Variants in TRPM8 observed in about 807,000 individuals in gnomAD.
The protein encoded by TRPM8 is transient receptor potential cation channel subfamily M member 8, also known as TRPM8 cationic channel.
A neutral mutation model predicts 133.7 loss-of-function variants in TRPM8; 110 were observed. The observed-to-expected ratio is 0.82, with a 90% CI of 0.70 to 0.96. The LOEUF is 0.96. Ranked by LOEUF, TRPM8 falls within the 40% of genes least tolerant of loss-of-function variation. TRPM8 has a pLI of 0.00. For missense variants in TRPM8, 1,291 were observed against 1,379.5 expected (o/e 0.94, Z 1.02); for synonymous variants, 535 against 532.3 (o/e 1.01, Z -0.07).
chr2:233,981,715 C>T (rs1267509946), intron 18 of TRPM8, 59 bp from the exon 19 acceptor site: 1 of 1,530,904 alleles, frequency 6.5e-7, no homozygotes. Context: ...TTTTTAGAAA[C>T]AAAACTTTGG....
chr2:233,992,504 C>T (rs114246970), intron 21 of TRPM8, among the ~76,000 whole-genome samples: 2,522 of 152,220 alleles, frequency 0.017, 32 homozygotes, highest in Middle Eastern at 0.044. Flanking sequence ...GAATTCTAAA[C>T]GTCTGTTCCC....
intron 17 of TRPM8, among the ~76,000 whole-genome samples, chr2:233,978,690 C>G (rs561264665): frequency 1.3e-5 from 2 of 152,112 alleles, no homozygotes; most frequent in Non-Finnish European, 2.9e-5. Context: ...CTAGATTATG[C>G]TTTTCCCTGC....
intron 6 of TRPM8, chr2:233,943,059 T>G: frequency 2.6e-6 from 1 of 387,584 alleles, no homozygotes; most frequent in East Asian, 4.4e-5. Flanking sequence ...CAAAGCCAAC[T>G]GCAGTATCTT....
At chr2:233,987,898 A>C (rs1275568190) in intron 21 of TRPM8, among the ~76,000 whole-genome samples, 6 of 151,580 alleles carry the variant, frequency 4.0e-5, no homozygotes, top group East Asian at 1.9e-4. Flanking sequence ...GTAAGACGTG[A>C]CTTGCTCCTC....
chr2:233,969,402 G>A (rs1487141927), intron 15 of TRPM8, among the ~76,000 whole-genome samples: 1 of 151,992 alleles, frequency 6.6e-6, no homozygotes, highest in African/African-American at 2.4e-5. Context: ...CAGGAGAATC[G>A]CTTGAACCTG....
chr2:234,014,206 C>G (rs1473715441), intron 24 of TRPM8, among the ~76,000 whole-genome samples: 1 of 152,022 alleles, frequency 6.6e-6, no homozygotes. Context: ...TAATTAGTAT[C>G]TTATACTTTT....
Position 233,983,057 on chromosome 2 carries a change from T to G in TRPM8, c.2594T>G (p.Ile865Ser), listed in dbSNP as rs1284108716. The change falls in exon 20 of 26, where the codon ATC becomes AGC. Residue 865 changes from isoleucine to serine, a missense_variant. Ile to Ser is a moderately radical substitution (Grantham distance 142). Around this residue, in one of 2 missense-constraint regions of TRPM8, gnomAD observed 328 missense variants for 410.6 expected, o/e 0.80. Coordinates refer to ENST00000324695, the MANE Select transcript of TRPM8 (RefSeq NM_024080.5). ...TCTCCTGTCCTCCCCTGACAGCTGA[T>G]CGATGTGTTCTTCTTCCTGTTCCTC... The part of the protein sequence containing the change: ...PKIIMLQRML[I>S]DVFFFLFLFA... 1.2e-6 allele frequency: 2 copies of G among 1,612,100 alleles called. No homozygotes were observed. Among genetic ancestry groups the G allele is most frequent in the Admixed American group, 3.3e-5 (2 of 59,978 alleles).
chr2:233,951,116 G>C (rs937027670), intron 9 of TRPM8, among the ~76,000 whole-genome samples: 1 of 152,156 alleles, frequency 6.6e-6, no homozygotes, highest in Non-Finnish European at 1.5e-5. Flanking sequence ...ACTAGTACCA[G>C]CTACTTGGTA....
At chr2:234,013,808 C>T (rs968349678) in intron 24 of TRPM8, 1 of 152,018 alleles carries the variant, frequency 6.6e-6, no homozygotes, top group African/African-American at 2.4e-5. Flanking sequence ...TCTTACTATG[C>T]CTTATTTATT....
chr2:233,927,352 A>C (rs1353250329), intron 2 of TRPM8, among the ~76,000 whole-genome samples: 1 of 152,210 alleles, frequency 6.6e-6, no homozygotes, highest in Non-Finnish European at 1.5e-5. Flanking sequence ...AAGAACACGC[A>C]CACACAAACA....
At chr2:233,939,602 G>A (rs188003448) in intron 5 of TRPM8, among the ~76,000 whole-genome samples, 107 of 152,300 alleles carry the variant, frequency 7.0e-4, no homozygotes, top group African/African-American at 2.3e-3. Context: ...GTGTCTGATT[G>A]AGGTCAAAGC....
At chr2:234,004,899 T>A (rs577605782) in intron 22 of TRPM8, among the ~76,000 whole-genome samples, 1 of 152,144 alleles carries the variant, frequency 6.6e-6, no homozygotes, top group Non-Finnish European at 1.5e-5. Flanking sequence ...CATCGCAAAA[T>A]TTTTCCATAT....
chr2:233,953,857 A>T, intron 9 of TRPM8, 60 bp from the exon 10 acceptor site: 1 of 1,295,994 alleles, frequency 7.7e-7, no homozygotes, highest in Non-Finnish European at 1.1e-6. Flanking sequence ...AAAAGAAAGA[A>T]GTTTATGCTC....
At chr2:233,929,618 C>G (rs1691642703) in intron 2 of TRPM8, 1 of 152,166 alleles carries the variant, frequency 6.6e-6, no homozygotes, top group Non-Finnish European at 1.5e-5. Context: ...CCTAGCAGCC[C>G]CACCTCCCCA....
intron 15 of TRPM8, among the ~76,000 whole-genome samples, chr2:233,967,968 A>G (rs1241354882): frequency 1.3e-5 from 2 of 152,102 alleles, no homozygotes; most frequent in African/African-American, 4.8e-5. Context: ...ATGCCAGGTC[A>G]TTCATTTCAC....
In TRPM8 at chr2:233,930,668, G is replaced by A; in HGVS notation, c.118G>A (p.Asp40Asn). ...RSTDLSYSESDLVNFIQANFK... is the reference protein window; with the variant it reads ...RSTDLSYSESNLVNFIQANFK... ...GTTATTCAATGTTCTCTCTCCAAAG[G>A]ACTTGGTGAATTTTATTCAAGCAAA... The change falls in exon 3 of 26, where the codon GAC (aspartate) becomes AAC (asparagine). Residue 40 changes from aspartate (D) to asparagine (N), a missense_variant and splice_region_variant. Coordinates refer to ENST00000324695, the MANE Select transcript of TRPM8 (RefSeq NM_024080.5). 1 of 1,601,150 alleles carries A rather than the reference G, an allele frequency of 6.2e-7. No individual in the cohort carries two copies. The highest frequency in any genetic ancestry group is 8.5e-7 in the Non-Finnish European group (1 of 1,169,812).
At chr2:233,999,903 T>G (rs1272928574) in intron 22 of TRPM8, among the ~76,000 whole-genome samples, 3 of 152,180 alleles carry the variant, frequency 2.0e-5, no homozygotes, top group African/African-American at 7.2e-5. Flanking sequence ...CCCAGGCAGT[T>G]GCAGCAGATC....
At chr2:233,981,714 A>G in intron 18 of TRPM8, 60 bp from the exon 19 acceptor site, 1 of 1,531,240 alleles carries the variant, frequency 6.5e-7, no homozygotes, top group South Asian at 1.3e-5. Flanking sequence ...ATTTTTAGAA[A>G]CAAAACTTTG....
At chr2:233,921,634 CTTTTCTTTT>C (rs1322451363) in intron 1 of TRPM8, among the ~76,000 whole-genome samples, 2 of 138,550 alleles carry the variant, frequency 1.4e-5, no homozygotes, top group Non-Finnish European at 3.1e-5. Flanking sequence ...TTTCTTTTTT[CTTTTCTTTT>C]TTTTCTTTTT....
Sources: allele counts gnomAD v4.1 joint callset (sites outside exome capture counted in the v4.1 genomes callset), GRCh38; gene constraint gnomAD v4.1.1; regional missense constraint gnomAD v4.1.1; transcripts MANE v1.5; gene names NCBI Gene and HGNC (gene_info 2026-07-23, HGNC 2026-07-21).